Variants in ACSL4 observed in about 807,000 individuals in gnomAD.
ACSL4 encodes long-chain-fatty-acid--CoA ligase 4.
A neutral mutation model predicts 49.1 loss-of-function variants in ACSL4; 9 were observed. The observed-to-expected ratio is 0.18, with a 90% CI of 0.11 to 0.32. ACSL4 has a LOEUF of 0.32. Among genes scored for constraint, ACSL4 ranks in the 10% least tolerant of loss-of-function variants. The pLI is 1.00. For synonymous variants in ACSL4, 191 were observed against 170.3 expected (o/e 1.12, Z -0.95); for missense variants, 333 against 493.7 (o/e 0.67, Z 3.08).
intron 15 of ACSL4, among the ~76,000 whole-genome samples, chrX:109,656,520 A>G (rs923781930): frequency 9.0e-6 from 1 of 110,767 alleles, no homozygotes; most frequent in African/African-American, 3.3e-5. Flanking sequence ...AGGTCCATAA[A>G]AGTCCATAAC....
chrX:109,668,948 C>T (rs888052329), intron 10 of ACSL4, 86 bp downstream of exon 10: 4 of 814,578 alleles, frequency 4.9e-6, no homozygotes, highest in Admixed American at 5.0e-5. Context: ...AATGAATTAA[C>T]TTGCCATTTA....
At chrX:109,690,935 T>G (rs982778419) in intron 2 of ACSL4, among the ~76,000 whole-genome samples, 2 of 111,589 alleles carry the variant, frequency 1.8e-5, no homozygotes, top group African/African-American at 6.5e-5. Context: ...CATTAAGCTC[T>G]AGTACACAAA....
At chrX:109,665,521 T>C in intron 11 of ACSL4, 27 bp from the exon 12 acceptor site, 2 of 1,104,225 alleles carry the variant, frequency 1.8e-6, no homozygotes, top group East Asian at 6.0e-5. Flanking sequence ...AACAGAGATA[T>C]TAGCATACCA....
chrX:109,650,737 C>T (rs1245313605), intron 15 of ACSL4, among the ~76,000 whole-genome samples: 1 of 112,006 alleles, frequency 8.9e-6, no homozygotes, highest in Non-Finnish European at 1.9e-5. Context: ...CTTCTTAACA[C>T]TATGCTTTGT....
chrX:109,681,613 C>T (rs900418609), intron 4 of ACSL4, among the ~76,000 whole-genome samples: 1 of 111,853 alleles, frequency 8.9e-6, no homozygotes, highest in Non-Finnish European at 1.9e-5. Flanking sequence ...AACCCAGAAA[C>T]ACTCGCACTG....
chrX:109,683,490 G>A (rs752034129), intron 2 of ACSL4, 115 bp from the exon 3 acceptor site: 48 of 1,188,515 alleles, frequency 4.0e-5, no homozygotes, highest in Non-Finnish European at 5.5e-5. Context: ...GTTTCATAGT[G>A]GAAAGGCTTC....
intron 2 of ACSL4, among the ~76,000 whole-genome samples, chrX:109,688,449 C>G (rs1924780135): frequency 8.9e-6 from 1 of 111,934 alleles, no homozygotes; most frequent in African/African-American, 3.2e-5. Flanking sequence ...TTATTTCTTT[C>G]ATCTTAAAAA....
intron 15 of ACSL4, among the ~76,000 whole-genome samples, chrX:109,655,254 A>G (rs758970908): frequency 8.1e-5 from 9 of 111,474 alleles, no homozygotes; most frequent in Non-Finnish European, 1.7e-4. Flanking sequence ...ATAACAGGAG[A>G]AGAAAACTAC....
rs781496849 is a variant in ACSL4 at position 109,678,349 on chromosome X, G to C, written c.722C>G (p.Thr241Ser). The C allele has an allele frequency of 8.3e-7, 1 of 1,211,836 alleles. No homozygotes were observed. The highest frequency in any genetic ancestry group is 3.0e-5 in the East Asian group (1 of 33,858). The change falls in exon 7 of 16, where the codon ACT becomes AGT. Residue 241 changes from threonine (T) to serine (S), a missense_variant. This residue lies in a region of ACSL4 where 157 missense variants were observed against 201.1 expected (regional missense o/e 0.78). Transcript: ENST00000672401. ...MAIVMYTSGS[T>S]GRPKGVMMHH... ...CATCATCACTCCCTTAGGTCGGCCA[G>C]TAGAACCACTAGTATACATAACAAT...
intron 1 of ACSL4, among the ~76,000 whole-genome samples, chrX:109,721,656 T>C (rs1315647117): frequency 9.2e-6 from 1 of 108,572 alleles, no homozygotes; most frequent in Middle Eastern, 4.3e-3. Context: ...CGCTTGAACC[T>C]GGGAGGCAGA....
At position 109,642,851 on chromosome X, in the gene ACSL4, A is replaced by C. The variant is rs1192917519; in HGVS notation, c.*1178T>G. On this transcript the variant is annotated 3_prime_UTR_variant, in exon 16 of 16. Transcript: ENST00000672401. ...TCTAAGCTCTTCCCAAACAGGAAAAAATGATAACAGTGTTTTCTTCCCTTT... is the reference window on the plus strand; with the variant it reads ...TCTAAGCTCTTCCCAAACAGGAAAACATGATAACAGTGTTTTCTTCCCTTT... The C allele has an allele frequency of 6.3e-5, 7 of 111,452 alleles. No homozygotes were observed. The highest frequency in any genetic ancestry group is 1.3e-4 in the Non-Finnish European group (7 of 52,952). 9.2% of individuals were successfully genotyped at this position (111,452 alleles called of 1,213,427 possible).
At chrX:109,716,766 G>A (rs1227442520) in intron 1 of ACSL4, among the ~76,000 whole-genome samples, 1 of 112,001 alleles carries the variant, frequency 8.9e-6, no homozygotes, top group African/African-American at 3.2e-5. Flanking sequence ...AGCAGAGCAG[G>A]AGTCTTTTTT....
rs369016368 is a variant in ACSL4 at position 109,665,543 on chromosome X, T to C, written c.1316-49A>G. On this transcript the variant is annotated intron_variant, in intron 11 of 15. Transcript: ENST00000672401. ...ATATTAGCATACCACATTCCAGATT[T>C]GTACCAATGCACTGGGAATATTAGA... 1.3e-4 allele frequency: 132 copies of C among 1,009,983 alleles called. 1 individual carries two copies. The highest frequency in any genetic ancestry group is 1.7e-4 in the Non-Finnish European group (123 of 713,244). 83.2% of individuals were successfully genotyped at this position (1,009,983 alleles called of 1,213,427 possible). A position where few individuals can be genotyped will look rare whatever the true frequency, so the allele number is the denominator to read the frequency against.
intron 2 of ACSL4, among the ~76,000 whole-genome samples, chrX:109,689,532 C>CTA (rs1362114838): frequency 8.9e-6 from 1 of 112,329 alleles, no homozygotes; most frequent in Non-Finnish European, 1.9e-5. Context: ...CCTCCTAGTA[C>CTA]GCTTTCCCTG....
Position 109,669,177 on chromosome X carries a change from A to G in ACSL4, c.1003-4T>C, listed in dbSNP as rs780742353. The G allele has an allele frequency of 7.9e-6, 9 of 1,143,966 alleles. No homozygotes were observed. In the East Asian group the frequency reaches 2.1e-4, roughly 27 times the overall value. The allele number at this position is 1,143,966 out of a possible 1,213,427, so 94.3% of individuals were successfully genotyped here. ...TATAAATTCTATCCATGATTTCCTG[A>G]AAGTTAAACAAAATATTCAATAATC... On this transcript the variant is annotated splice_polypyrimidine_tract_variant and splice_region_variant and intron_variant, in intron 9 of 15. Coordinates refer to ENST00000672401, the MANE Select transcript of ACSL4 (RefSeq NM_001318510.2).
intron 15 of ACSL4, among the ~76,000 whole-genome samples, chrX:109,654,944 G>C (rs1311885226): frequency 8.9e-6 from 1 of 111,780 alleles, no homozygotes; most frequent in South Asian, 3.7e-4. Flanking sequence ...TTCAGTGAGG[G>C]TGAGACCCAC....
Position 109,715,706 on chromosome X carries a change from A to G in ACSL4, c.-66+17433T>C, listed in dbSNP as rs147933495. Reference sequence around the variant, plus strand: ...ATGATATTTTTAAAGTTTAGAAGACATGAAACTAAAACTTTTAAAAATCTA... The same window carrying G: ...ATGATATTTTTAAAGTTTAGAAGACGTGAAACTAAAACTTTTAAAAATCTA... On this transcript the variant is annotated intron_variant, in intron 1 of 15. Transcript: ENST00000672401. Among the ~76,000 whole-genome samples the G allele has an allele frequency of 8.0e-3, 897 of 111,666 alleles. 7 individuals carry two copies. The highest frequency in any genetic ancestry group is 0.027 in the African/African-American group (840 of 30,756).
chrX:109,659,301 A>G, intron 15 of ACSL4, 53 bp downstream of exon 15: 1 of 1,069,902 alleles, frequency 9.3e-7, no homozygotes, highest in Non-Finnish European at 1.3e-6. Flanking sequence ...AATGCAAAAG[A>G]CATCATTAGA....
In ACSL4 at chrX:109,704,384, CAAGAGA is replaced by C. The variant is rs1236932024; in HGVS notation, c.-65-8194_-65-8189del. Among the ~76,000 whole-genome samples, 3 of 106,581 alleles carry C rather than the reference CAAGAGA, an allele frequency of 2.8e-5. No homozygotes were observed. The Admixed American group carries it at 3.0e-4, about 11-fold the overall frequency. 92.6% of individuals were successfully genotyped at this position (106,581 alleles called of 115,157 possible). A position where few individuals can be genotyped will look rare whatever the true frequency, so the allele number is the denominator to read the frequency against. ...CAAAGACAGAGTCTAGTTTGAATGC[CAAGAGA>C]AATAGTCCAATCTTAGCTAATAATT... On this transcript the variant is annotated intron_variant, in intron 1 of 15. Transcript: ENST00000672401.
Sources: allele counts gnomAD v4.1 joint callset (sites outside exome capture counted in the v4.1 genomes callset), GRCh38; gene constraint gnomAD v4.1.1; regional missense constraint gnomAD v4.1.1; transcripts MANE v1.5; gene names NCBI Gene and HGNC (gene_info 2026-07-23, HGNC 2026-07-21).